MAD1L1: variants seen among roughly 807,000 people sequenced by gnomAD.
MAD1L1 encodes the protein mitotic arrest deficient 1 like 1, also known as mitotic spindle assembly checkpoint protein MAD1.
In MAD1L1, 95 loss-of-function variants were observed where a neutral mutation model predicts 96.9. The ratio of observed to expected loss-of-function variants is 0.98; its 90% CI spans 0.83 to 1.16. MAD1L1 has a LOEUF of 1.16. MAD1L1 is among the 50% of genes most tolerant of loss of function. MAD1L1 has a pLI of 0.00. For missense variants in MAD1L1, 1,007 were observed against 954.4 expected (o/e 1.06, Z -0.73); for synonymous variants, 473 against 396.6 (o/e 1.19, Z -2.29).
In MAD1L1 at chr7:2,187,033, T is replaced by C. The variant is rs142857922; in HGVS notation, c.986+26179A>G. ...ATCTTGAACTCCCAACCTCAGGTGA[T>C]CTGCCCACCTTGGCCTCCCAAAGTG... On this transcript the variant is annotated intron_variant, in intron 10 of 18. Coordinates refer to ENST00000265854, the MANE Select transcript of MAD1L1 (RefSeq NM_001013836.2). 3.3e-4 allele frequency among the ~76,000 whole-genome samples: 50 copies of C among 152,198 alleles called. 2 individuals carry two copies. In the East Asian group the frequency reaches 8.3e-3, roughly 25 times the overall value.
At chr7:1,970,173 C>T (rs116868020) in intron 15 of MAD1L1, among the ~76,000 whole-genome samples, 3,227 of 152,052 alleles carry the variant, frequency 0.021, 63 homozygotes, top group Non-Finnish European at 0.036. Context: ...GTGCAGCTGC[C>T]GGGAGGTCCC....
chr7:2,169,423 GA>G (rs1790599264), intron 10 of MAD1L1, among the ~76,000 whole-genome samples: 2 of 151,586 alleles, frequency 1.3e-5, no homozygotes, highest in African/African-American at 2.4e-5. Context: ...TCATGTCAAG[GA>G]AAAAAAGTAT....
chr7:2,128,034 G>A lies in MAD1L1; in HGVS notation c.1073+21118C>T, dbSNP rs550173038. On this transcript the variant is annotated intron_variant, in intron 11 of 18. Coordinates refer to ENST00000265854, the MANE Select transcript of MAD1L1 (RefSeq NM_001013836.2). ...AAGGCCCTGACACTGAGAGACATTCGATAAATAAAACGCTTTTTAAATCAC... is the reference window on the plus strand; with the variant it reads ...AAGGCCCTGACACTGAGAGACATTCAATAAATAAAACGCTTTTTAAATCAC... Among the ~76,000 whole-genome samples, 38 of 152,244 alleles carry A rather than the reference G, an allele frequency of 2.5e-4. No individual in the cohort carries two copies. The Middle Eastern group carries it at 0.017, about 68-fold the overall frequency.
chr7:2,066,621 G>A (rs1784885753), intron 12 of MAD1L1, among the ~76,000 whole-genome samples: 1 of 152,226 alleles, frequency 6.6e-6, no homozygotes, highest in East Asian at 1.9e-4. Context: ...GCCCTGAGCG[G>A]GCCGGGGTGG....
At chr7:1,826,830 C>T (rs994354240) in intron 18 of MAD1L1, among the ~76,000 whole-genome samples, 2 of 152,242 alleles carry the variant, frequency 1.3e-5, no homozygotes, top group African/African-American at 4.8e-5. Flanking sequence ...CATCTAAATA[C>T]TGCCTGTGCT....
chr7:1,859,845 C>A (rs1784437047), intron 18 of MAD1L1, among the ~76,000 whole-genome samples: 1 of 150,994 alleles, frequency 6.6e-6, no homozygotes, highest in Non-Finnish European at 1.5e-5. Context: ...AGACATGATA[C>A]CCGGCGGGGC....
At chr7:2,071,292 C>G (rs187817843) in intron 11 of MAD1L1, among the ~76,000 whole-genome samples, 1 of 152,188 alleles carries the variant, frequency 6.6e-6, no homozygotes, top group Non-Finnish European at 1.5e-5. Flanking sequence ...GACTTGGTGG[C>G]GGTCCTGACC....
At chr7:1,937,329 G>A (rs1042128646) in intron 16 of MAD1L1, among the ~76,000 whole-genome samples, 10 of 152,170 alleles carry the variant, frequency 6.6e-5, no homozygotes, top group Admixed American at 2.0e-4. Flanking sequence ...AAGGTGCCCC[G>A]TGCCACAAGA....
At chr7:1,981,352 C>G (rs867531024) in intron 14 of MAD1L1, among the ~76,000 whole-genome samples, 30 of 152,128 alleles carry the variant, frequency 2.0e-4, no homozygotes, top group Non-Finnish European at 3.5e-4. Flanking sequence ...GGAGCCAGAA[C>G]GGACTGCGGG....
chr7:1,937,612 G>A (rs1282712637), intron 16 of MAD1L1, among the ~76,000 whole-genome samples: 1 of 151,410 alleles, frequency 6.6e-6, no homozygotes, highest in Non-Finnish European at 1.5e-5. Flanking sequence ...GCCCACAGCA[G>A]GGGACAGCCG....
intron 16 of MAD1L1, among the ~76,000 whole-genome samples, chr7:1,941,056 T>C (rs756482754): frequency 9.5e-4 from 45 of 47,382 alleles, no homozygotes; most frequent in Non-Finnish European, 2.1e-3. Context: ...GACCTCCAGG[T>C]GGGAGGAGGT....
chr7:2,066,505 G>C (rs994181340), intron 12 of MAD1L1, among the ~76,000 whole-genome samples: 74 of 152,230 alleles, frequency 4.9e-4, no homozygotes, highest in African/African-American at 1.7e-3. Flanking sequence ...TGCTAACACA[G>C]AGCAGGCCCG....
intron 11 of MAD1L1, among the ~76,000 whole-genome samples, chr7:2,089,427 G>A (rs1164005933): frequency 1.3e-5 from 2 of 152,164 alleles, no homozygotes; most frequent in Non-Finnish European, 2.9e-5. Flanking sequence ...CTACCACCAT[G>A]TAAGAAGAGC....
chr7:2,171,875 G>A (rs1241234683), intron 10 of MAD1L1, among the ~76,000 whole-genome samples: 8 of 152,318 alleles, frequency 5.3e-5, no homozygotes. Context: ...AGACCACGCA[G>A]CCCAAGACCA....
At chr7:2,099,285 C>T (rs1261184090) in intron 11 of MAD1L1, among the ~76,000 whole-genome samples, 2 of 152,366 alleles carry the variant, frequency 1.3e-5, no homozygotes, top group Middle Eastern at 3.4e-3. Context: ...CACTCCGGCG[C>T]CCGGCCCACT....
chr7:2,163,224 T>A (rs1196957265), intron 10 of MAD1L1, among the ~76,000 whole-genome samples: 1 of 152,220 alleles, frequency 6.6e-6, no homozygotes, highest in African/African-American at 2.4e-5. Context: ...CCACAGTGTT[T>A]ACAAAACTCA....
intron 10 of MAD1L1, chr7:2,193,447 G>A (rs1791825248): frequency 6.6e-6 from 1 of 152,490 alleles, no homozygotes; most frequent in African/African-American, 2.4e-5. Flanking sequence ...TTCAGCACAG[G>A]GACCGTGCGT....
At chr7:1,824,016 G>A (rs781344816) in intron 18 of MAD1L1, among the ~76,000 whole-genome samples, 10 of 152,112 alleles carry the variant, frequency 6.6e-5, no homozygotes, top group Non-Finnish European at 1.3e-4. Context: ...GACGGAGAGC[G>A]GGAAGCAAGG....
At position 2,022,650 on chromosome 7, in the gene MAD1L1, T is replaced by A. The variant is rs181293856; in HGVS notation, c.1219-8008A>T. Among the ~76,000 whole-genome samples the A allele has an allele frequency of 2.9e-3, 444 of 151,650 alleles. 5 individuals carry two copies. The highest frequency in any genetic ancestry group is 0.01 in the African/African-American group (416 of 41,328). Reference sequence around the variant, plus strand: ...CAAAGCAGATAAAGAAAAGAAGATTTAAAAAAAACAAAGAACAAGTGTCCC... The same window carrying A: ...CAAAGCAGATAAAGAAAAGAAGATTAAAAAAAAACAAAGAACAAGTGTCCC... On this transcript the variant is annotated intron_variant, in intron 12 of 18. Coordinates refer to ENST00000265854, the MANE Select transcript of MAD1L1 (RefSeq NM_001013836.2).
Sources: gnomAD v4.1 joint callset for allele counts (sites outside exome capture counted in the v4.1 genomes callset) on GRCh38, gnomAD v4.1.1 for gene constraint, MANE v1.5 for transcripts, NCBI Gene and HGNC (gene_info 2026-07-23, HGNC 2026-07-21) for gene names.